TAFA5: variants seen among roughly 807,000 people sequenced by gnomAD.
The protein encoded by TAFA5 is chemokine-like protein TAFA-5.
Under a neutral mutation model 15.3 loss-of-function variants are expected in TAFA5, and 6 were observed. The observed-to-expected ratio is 0.39, with a 90% CI of 0.21 to 0.77. The LOEUF is 0.77. TAFA5 is among the 30% of genes least tolerant of loss of function. The pLI, the probability that TAFA5 is intolerant of heterozygous loss-of-function variation, is 0.41. For missense variants in TAFA5, 161 were observed against 193.1 expected (o/e 0.83, Z 0.98); for synonymous variants, 103 against 80.7 (o/e 1.28, Z -1.48).
intron 1 of TAFA5, among the ~76,000 whole-genome samples, chr22:48,623,739 G>A (rs1925934527): frequency 6.6e-6 from 1 of 152,246 alleles, no homozygotes; most frequent in South Asian, 2.1e-4. Flanking sequence ...TCCTCACGGT[G>A]CACGTCAGAA....
intron 1 of TAFA5, among the ~76,000 whole-genome samples, chr22:48,620,912 C>T: frequency 6.2e-5 from 3 of 48,258 alleles, no homozygotes; most frequent in Non-Finnish European, 5.0e-5. Flanking sequence ...TCCACCCACC[C>T]ACCTATCCTA....
chr22:48,503,281 C>A (rs1352591335), intron 1 of TAFA5, among the ~76,000 whole-genome samples: 1 of 152,216 alleles, frequency 6.6e-6, no homozygotes, highest in Non-Finnish European at 1.5e-5. Context: ...TTGCTGAACA[C>A]GTGAGTTGTG....
chr22:48,618,394 TGCGTGCA>T (rs1196972586), intron 1 of TAFA5, among the ~76,000 whole-genome samples: 2 of 152,250 alleles, frequency 1.3e-5, no homozygotes, highest in African/African-American at 4.8e-5. Context: ...AAAAAGGCCA[TGCGTGCA>T]GTTTTGGAAC....
chr22:48,623,275 G>A (rs1028441725), intron 1 of TAFA5, among the ~76,000 whole-genome samples: 1 of 142,234 alleles, frequency 7.0e-6, no homozygotes, highest in South Asian at 2.3e-4. Context: ...CCTGTGGGAC[G>A]GGACGTGTCG....
chr22:48,644,818 G>A (rs1020607139), intron 1 of TAFA5, among the ~76,000 whole-genome samples: 9 of 152,204 alleles, frequency 5.9e-5, no homozygotes, highest in Non-Finnish European at 1.3e-4. Flanking sequence ...CTCTGCAAGG[G>A]TGGGATGGCC....
chr22:48,605,863 G>C (rs1046325701), intron 1 of TAFA5, among the ~76,000 whole-genome samples: 1 of 152,178 alleles, frequency 6.6e-6, no homozygotes, highest in Non-Finnish European at 1.5e-5. Context: ...GCTAATCCTG[G>C]AGTGTAAGCG....
At chr22:48,554,819 T>C (rs1447058309) in intron 1 of TAFA5, among the ~76,000 whole-genome samples, 5 of 152,234 alleles carry the variant, frequency 3.3e-5, no homozygotes, top group African/African-American at 1.2e-4. Flanking sequence ...TGTGGGTCTC[T>C]CTTTCCCCGA....
intron 1 of TAFA5, among the ~76,000 whole-genome samples, chr22:48,491,461 C>T (rs1928152275): frequency 6.6e-6 from 1 of 152,148 alleles, no homozygotes; most frequent in Non-Finnish European, 1.5e-5. Context: ...CCACTACAGG[C>T]GGCCCATCCC....
intron 2 of TAFA5, among the ~76,000 whole-genome samples, chr22:48,669,742 G>A (rs1220311079): frequency 2.6e-5 from 4 of 152,226 alleles, no homozygotes; most frequent in African/African-American, 7.2e-5. Context: ...CAGGTAAGAC[G>A]TTTGTCACCA....
chr22:48,699,557 A>C (rs1024355697), intron 2 of TAFA5, among the ~76,000 whole-genome samples: 1 of 152,152 alleles, frequency 6.6e-6, no homozygotes, highest in Non-Finnish European at 1.5e-5. Flanking sequence ...CTGCTCTTAC[A>C]TACTTAAGGA....
At chr22:48,665,581 C>T (rs934319080) in intron 2 of TAFA5, among the ~76,000 whole-genome samples, 1 of 152,000 alleles carries the variant, frequency 6.6e-6, no homozygotes, top group Non-Finnish European at 1.5e-5. Context: ...GATCTCAAGG[C>T]ACATTTTTTT....
At chr22:48,680,900 C>T (rs1928163013) in intron 2 of TAFA5, among the ~76,000 whole-genome samples, 1 of 152,194 alleles carries the variant, frequency 6.6e-6, no homozygotes, top group Admixed American at 6.5e-5. Context: ...GCCCGGGTGG[C>T]AAGAACTGGG....
At position 48,548,663 on chromosome 22, in the gene TAFA5, G is replaced by A. The variant is rs565194018; in HGVS notation, c.112+58959G>A. On this transcript the variant is annotated intron_variant, in intron 1 of 3. Coordinates refer to ENST00000402357, the MANE Select transcript of TAFA5 (RefSeq NM_001082967.3). ...GCTGCATTTCACAGGGGCAGGCCCA[G>A]CCTCAGAACCACATCACTGCCAGCC... Among the ~76,000 whole-genome samples the A allele has an allele frequency of 2.0e-5, 3 of 152,346 alleles. No homozygotes were observed. In the South Asian group the frequency reaches 6.2e-4, roughly 32 times the overall value.
chr22:48,498,988 G>A (rs900202616), intron 1 of TAFA5, among the ~76,000 whole-genome samples: 9 of 152,156 alleles, frequency 5.9e-5, no homozygotes, highest in African/African-American at 1.7e-4. Flanking sequence ...CCAAGTCCCC[G>A]TCCCGTGCGT....
chr22:48,673,124 T>C (rs141309530), intron 2 of TAFA5, among the ~76,000 whole-genome samples: 304 of 152,294 alleles, frequency 2.0e-3, no homozygotes, highest in African/African-American at 7.0e-3. Context: ...CTAGAAGATA[T>C]CGGTCTCGTT....
chr22:48,681,302 G>T (rs7511071), intron 2 of TAFA5, among the ~76,000 whole-genome samples: 1 of 151,918 alleles, frequency 6.6e-6, no homozygotes, highest in Admixed American at 6.5e-5. Flanking sequence ...GTGAGGACAC[G>T]CACAGCTCAG....
chr22:48,631,668 A>G (rs1926232912), intron 1 of TAFA5, among the ~76,000 whole-genome samples: 1 of 152,190 alleles, frequency 6.6e-6, no homozygotes. Flanking sequence ...AGGCGCTGGG[A>G]GCAGGTAATT....
At chr22:48,501,814 G>A (rs533325789) in intron 1 of TAFA5, among the ~76,000 whole-genome samples, 1 of 152,338 alleles carries the variant, frequency 6.6e-6, no homozygotes, top group Non-Finnish European at 1.5e-5. Context: ...GTGCCCCGGA[G>A]GGTGCATCTG....
intron 2 of TAFA5, among the ~76,000 whole-genome samples, chr22:48,698,069 A>AGGATGATGTCATAATGGTGGTGG (rs1569084056): frequency 2.7e-5 from 4 of 149,902 alleles, no homozygotes; most frequent in African/African-American, 9.9e-5. Flanking sequence ...TGTCATAATG[A>AGGATGATGTCATAATGGTGGTGG]TGGTGATGGT....
Sources: allele counts gnomAD v4.1 joint callset (sites outside exome capture counted in the v4.1 genomes callset), GRCh38; gene constraint gnomAD v4.1.1; transcripts MANE v1.5; gene names NCBI Gene and HGNC (gene_info 2026-07-23, HGNC 2026-07-21).